PLCB1: variants seen among roughly 807,000 people sequenced by gnomAD.
PLCB1 encodes the protein phospholipase C beta 1.
Under a neutral mutation model 161.8 loss-of-function variants are expected in PLCB1, and 46 were observed. The ratio of observed to expected loss-of-function variants is 0.28; its 90% CI spans 0.22 to 0.36. The LOEUF (loss-of-function observed/expected upper bound fraction) is 0.36. Among genes scored for constraint, PLCB1 ranks in the 10% least tolerant of loss-of-function variants. The pLI, the probability that PLCB1 is intolerant of heterozygous loss-of-function variation, is 1.00. For synonymous variants in PLCB1, 517 were observed against 503.7 expected, an observed-to-expected ratio of 1.03 and a Z score of -0.35; for missense variants, 1,016 against 1,472.5, an observed-to-expected ratio of 0.69 and a Z score of 5.07.
intron 2 of PLCB1, among the ~76,000 whole-genome samples, chr20:8,214,444 G>A (rs1366680969): frequency 1.3e-5 from 2 of 151,858 alleles, no homozygotes; most frequent in African/African-American, 2.4e-5. Flanking sequence ...CTCCCCCTTT[G>A]CCTTCTGCCA....
Position 8,710,168 on chromosome 20 carries a change from TG to T in PLCB1, c.1250+1420del, listed in dbSNP as rs1600267307. On this transcript the variant is annotated intron_variant, in intron 12 of 31. Coordinates refer to ENST00000338037, the MANE Select transcript of PLCB1 (RefSeq NM_015192.4). ...CAGGAAGCATGGTGGCATCTGCTCC[TG>T]GGGAGTCCTCAGAGAGCTTTTTACT... Among the ~76,000 whole-genome samples, 2 of 100,736 alleles carry T rather than the reference TG, an allele frequency of 2.0e-5. 1 individual carries two copies. The highest frequency in any genetic ancestry group is 7.8e-4 in the East Asian group (2 of 2,554). The allele number at this position is 100,736 out of a possible 152,430, so 66.1% of individuals were successfully genotyped here. A position where few individuals can be genotyped will look rare whatever the true frequency, so the allele number is the denominator to read the frequency against.
intron 23 of PLCB1, 122 bp from the exon 24 acceptor site, chr20:8,756,924 A>T: frequency 1.1e-6 from 1 of 915,474 alleles, no homozygotes; most frequent in Non-Finnish European, 1.6e-6. Context: ...GGAGTATCAA[A>T]TTTGATATTT....
intron 2 of PLCB1, among the ~76,000 whole-genome samples, chr20:8,334,794 T>TA (rs1201415739): frequency 6.6e-6 from 1 of 152,212 alleles, no homozygotes; most frequent in Non-Finnish European, 1.5e-5. Flanking sequence ...TTTGTTCTTT[T>TA]ATATCCTAGG....
intron 10 of PLCB1, among the ~76,000 whole-genome samples, chr20:8,687,805 A>G (rs997072263): frequency 6.6e-6 from 1 of 152,216 alleles, no homozygotes; most frequent in Non-Finnish European, 1.5e-5. Context: ...TGCGTGTGCA[A>G]GTATCTTTTT....
At chr20:8,254,594 A>C (rs534432453) in intron 2 of PLCB1, among the ~76,000 whole-genome samples, 2 of 151,984 alleles carry the variant, frequency 1.3e-5, no homozygotes, top group Non-Finnish European at 2.9e-5. Context: ...CTTCATATAA[A>C]GGCTTATGTA....
At chr20:8,797,044 A>G (rs1984060567) in intron 31 of PLCB1, among the ~76,000 whole-genome samples, 1 of 152,186 alleles carries the variant, frequency 6.6e-6, no homozygotes, top group African/African-American at 2.4e-5. Flanking sequence ...ATGTAGTAAT[A>G]GATGAGAATC....
In PLCB1 at chr20:8,741,624, C is replaced by A. The variant is rs183725239; in HGVS notation, c.2523+51C>A. On this transcript the variant is annotated intron_variant, in intron 23 of 31. Transcript: ENST00000338037. ...ATAGCATTAAGCATGATCACCACAC[C>A]TACTTGTTGGCTTTGCCTAAGTAAT... The A allele has an allele frequency of 1.8e-5, 22 of 1,213,418 alleles. No homozygotes were observed. The East Asian group carries it at 5.3e-4, about 29-fold the overall frequency. 75.2% of individuals were successfully genotyped at this position (1,213,418 alleles called of 1,614,324 possible).
intron 3 of PLCB1, among the ~76,000 whole-genome samples, chr20:8,402,448 T>A (rs1367801971): frequency 6.6e-6 from 1 of 152,134 alleles, no homozygotes; most frequent in Non-Finnish European, 1.5e-5. Context: ...AGTGGAGCTT[T>A]TATTTACATT....
At chr20:8,304,450 C>T (rs905264703) in intron 2 of PLCB1, among the ~76,000 whole-genome samples, 3 of 151,736 alleles carry the variant, frequency 2.0e-5, no homozygotes, top group Admixed American at 6.6e-5. Context: ...TGAGCAAAAA[C>T]GAATCCCCTG....
chr20:8,316,083 T>C (rs566369618), intron 2 of PLCB1, among the ~76,000 whole-genome samples: 1 of 152,304 alleles, frequency 6.6e-6, no homozygotes, highest in South Asian at 2.1e-4. Flanking sequence ...TAAGCACTTG[T>C]ATGCTTTATT....
intron 3 of PLCB1, among the ~76,000 whole-genome samples, chr20:8,404,675 T>C (rs898534067): frequency 6.6e-6 from 1 of 152,168 alleles, no homozygotes; most frequent in Non-Finnish European, 1.5e-5. Flanking sequence ...ATATTCAAAG[T>C]TTTGAAAATG....
intron 3 of PLCB1, among the ~76,000 whole-genome samples, chr20:8,525,675 T>C (rs1984557946): frequency 6.6e-6 from 1 of 152,092 alleles, no homozygotes; most frequent in African/African-American, 2.4e-5. Flanking sequence ...GTCAAATGGA[T>C]AAAGTAGAAC....
intron 20 of PLCB1, 44 bp downstream of exon 20, chr20:8,737,236 G>T: frequency 6.8e-7 from 1 of 1,466,880 alleles, no homozygotes; most frequent in South Asian, 1.2e-5. Context: ...GCATTTTTCA[G>T]GTGTTTTACA....
At chr20:8,433,692 G>T (rs1009551655) in intron 3 of PLCB1, among the ~76,000 whole-genome samples, 1 of 140,596 alleles carries the variant, frequency 7.1e-6, no homozygotes, top group African/African-American at 2.7e-5. Context: ...AATGACGAGT[G>T]TATCCTTCTC....
In PLCB1 at chr20:8,884,028, GATAGA is replaced by G. The variant is rs764429193; in HGVS notation, c.*2183_*2187del. On this transcript the variant is annotated 3_prime_UTR_variant, in exon 32 of 32. Coordinates refer to ENST00000338037, the MANE Select transcript of PLCB1 (RefSeq NM_015192.4). ...ACATTGTATCACATTTTAGTCCAGA[GATAGA>G]ATAAAGTTGAATAACCTTGACTTAC... The G allele has an allele frequency of 3.3e-5, 5 of 152,242 alleles. No individual in the cohort carries two copies. The highest frequency in any genetic ancestry group is 7.4e-5 in the Non-Finnish European group (5 of 67,970). 9.4% of individuals were successfully genotyped at this position (152,242 alleles called of 1,614,324 possible).
chr20:8,696,994 A>T (rs1040739269), intron 10 of PLCB1, among the ~76,000 whole-genome samples: 3 of 152,136 alleles, frequency 2.0e-5, no homozygotes, highest in Admixed American at 2.0e-4. Context: ...CAGCCTCCCA[A>T]AATGCTGGGA....
At chr20:8,646,766 A>G (rs1989181677) in intron 5 of PLCB1, among the ~76,000 whole-genome samples, 1 of 152,244 alleles carries the variant, frequency 6.6e-6, no homozygotes, top group African/African-American at 2.4e-5. Context: ...TGGAATTGCC[A>G]CAGCCCTTCT....
chr20:8,727,050 A>G (rs879678832), intron 16 of PLCB1, among the ~76,000 whole-genome samples: 25 of 152,076 alleles, frequency 1.6e-4, no homozygotes, highest in East Asian at 1.3e-3. Context: ...TCTAGAATTC[A>G]TTCATGTCCC....
chr20:8,366,968 A>T (rs932466497), intron 2 of PLCB1, among the ~76,000 whole-genome samples: 1 of 152,232 alleles, frequency 6.6e-6, no homozygotes, highest in African/African-American at 2.4e-5. Flanking sequence ...CAAAGGTTCT[A>T]TGGGAGAACA....
Sources: allele counts gnomAD v4.1 joint callset (sites outside exome capture counted in the v4.1 genomes callset), GRCh38; gene constraint gnomAD v4.1.1; transcripts MANE v1.5; gene names NCBI Gene and HGNC (gene_info 2026-07-23, HGNC 2026-07-21).